GPHN: variants seen among roughly 807,000 people sequenced by gnomAD.
The protein encoded by GPHN is gephyrin.
GPHN carries 17 observed loss-of-function variants against 95.5 expected under a neutral mutation model. The observed-to-expected ratio is 0.18, with a 90% CI of 0.12 to 0.27. GPHN has a LOEUF of 0.27. Ranked by LOEUF, GPHN falls within the 10% of genes least tolerant of loss-of-function variation. GPHN has a pLI of 1.00. For missense variants in GPHN, 660 were observed against 978.1 expected (o/e 0.67, Z 4.34); for synonymous variants, 320 against 322.5 (o/e 0.99, Z 0.08).
intron 11 of GPHN, among the ~76,000 whole-genome samples, chr14:67,080,206 T>C (rs1255059234): frequency 2.0e-5 from 3 of 152,144 alleles, no homozygotes; most frequent in Non-Finnish European, 2.9e-5. Flanking sequence ...TGGCTATTTG[T>C]ATAGCATCTT....
the GPHN span, among the ~76,000 whole-genome samples, chr14:67,665,767 T>G: frequency 6.6e-6 from 1 of 152,180 alleles, no homozygotes; most frequent in South Asian, 2.1e-4. Context: ...TATGTCTCAT[T>G]CATTGTTGTG....
chr14:66,966,282 A>C (rs1395215908), intron 9 of GPHN, among the ~76,000 whole-genome samples: 2 of 152,120 alleles, frequency 1.3e-5, no homozygotes, highest in Non-Finnish European at 2.9e-5. Context: ...TTTGACTAGA[A>C]GGGATCTCAG....
the GPHN span, among the ~76,000 whole-genome samples, chr14:67,329,883 T>TA: frequency 6.8e-6 from 1 of 146,314 alleles, no homozygotes; most frequent in African/African-American, 2.6e-5. Flanking sequence ...AATAAATAGA[T>TA]ATAGAAACTA....
At chr14:67,646,759 G>GT in the GPHN span, 1 of 1,582,660 alleles carries the variant, frequency 6.3e-7, no homozygotes, top group Non-Finnish European at 8.7e-7. Flanking sequence ...GCATTTGGCT[G>GT]AAGTTTAGGG....
the GPHN span, among the ~76,000 whole-genome samples, chr14:67,307,248 A>G: frequency 7.0e-6 from 1 of 143,116 alleles, no homozygotes; most frequent in East Asian, 1.9e-4. Context: ...CGGCCTTTTT[A>G]AAAAAAGGAA....
chr14:67,286,721 G>A, the GPHN span, among the ~76,000 whole-genome samples: 120 of 151,704 alleles, frequency 7.9e-4, no homozygotes, highest in Non-Finnish European at 1.3e-3. Context: ...AGCCAGGTGT[G>A]GTGGAATGCG....
chr14:67,503,982 G>T, the GPHN span, among the ~76,000 whole-genome samples: 2 of 150,718 alleles, frequency 1.3e-5, no homozygotes, highest in African/African-American at 4.9e-5. Context: ...GATTACAGGC[G>T]TGAGCCACTG....
chr14:66,843,403 C>G (rs114255715), intron 4 of GPHN, among the ~76,000 whole-genome samples: 342 of 152,270 alleles, frequency 2.2e-3, no homozygotes, highest in African/African-American at 7.7e-3. Context: ...TTTAGCATTT[C>G]TGCTATCATC....
At chr14:66,675,146 G>T (rs148160830) in intron 1 of GPHN, among the ~76,000 whole-genome samples, 1 of 135,440 alleles carries the variant, frequency 7.4e-6, no homozygotes, top group Non-Finnish European at 1.6e-5. Context: ...TCTTTTTCCA[G>T]TTTTTTTTTT....
the GPHN span, among the ~76,000 whole-genome samples, chr14:67,341,121 C>T: frequency 2.2e-3 from 337 of 152,322 alleles, 1 homozygote; most frequent in Non-Finnish European, 4.0e-3. Flanking sequence ...AGGAGCCTCT[C>T]TGCCTGGCCG....
chr14:67,181,050 G>A lies in GPHN; in HGVS notation c.*113G>A. 2.2e-6 allele frequency: 2 copies of A among 923,430 alleles called. No individual in the cohort carries two copies. The highest frequency in any genetic ancestry group is 1.4e-5 in the South Asian group (1 of 72,092). The allele number at this position is 923,430 out of a possible 1,614,324, so 57.2% of individuals were successfully genotyped here. ...ATTTGGATAAAAGTTGATCTGTATA[G>A]TCAACATCTTGAACTATATTTCAAA... On this transcript the variant is annotated 3_prime_UTR_variant, in exon 23 of 23. Coordinates refer to ENST00000478722, the MANE Select transcript of GPHN (RefSeq NM_020806.5).
In GPHN at chr14:66,650,359, A is replaced by G. The variant is rs114129057; in HGVS notation, c.65-30748A>G. 5.2e-3 allele frequency among the ~76,000 whole-genome samples: 787 copies of G among 152,326 alleles called. 8 individuals carry two copies. The highest frequency in any genetic ancestry group is 0.018 in the African/African-American group (746 of 41,584). The stretch of plus-strand genomic sequence containing the variant: ...AATTACTAAAGGCCACTATTTCATC[A>G]AATGTGTCTCCACTGAGACCATCAT... On this transcript the variant is annotated intron_variant, in intron 1 of 22. Coordinates refer to ENST00000478722, the MANE Select transcript of GPHN (RefSeq NM_020806.5).
intron 4 of GPHN, among the ~76,000 whole-genome samples, chr14:66,829,514 C>T (rs1193113911): frequency 6.6e-6 from 1 of 151,968 alleles, no homozygotes; most frequent in Non-Finnish European, 1.5e-5. Context: ...CTTTATGTCC[C>T]ATTATTACTT....
intron 6 of GPHN, among the ~76,000 whole-genome samples, chr14:66,918,826 C>T (rs569468162): frequency 6.6e-6 from 1 of 152,240 alleles, no homozygotes; most frequent in African/African-American, 2.4e-5. Flanking sequence ...ACCACACAAT[C>T]TTTAAAGAGT....
At chr14:67,113,410 A>C (rs1407122496) in intron 16 of GPHN, among the ~76,000 whole-genome samples, 1 of 152,240 alleles carries the variant, frequency 6.6e-6, no homozygotes, top group African/African-American at 2.4e-5. Context: ...TTAGAATGAA[A>C]TATTATAACC....
rs558003940 is a variant in GPHN at position 66,556,886 on chromosome 14, A to G, written c.64+48295A>G. 2.1e-3 allele frequency among the ~76,000 whole-genome samples: 320 copies of G among 152,162 alleles called. 2 individuals carry two copies. Among genetic ancestry groups the G allele is most frequent in the Non-Finnish European group, 3.7e-3 (252 of 68,000 alleles). On this transcript the variant is annotated intron_variant, in intron 1 of 22. Coordinates refer to ENST00000478722, the MANE Select transcript of GPHN (RefSeq NM_020806.5). Reference sequence around the variant, plus strand: ...ACTTCAAGCATTTGCTACACATACTAATTAAAAAACAAAAACAAAAACAAC... The same window carrying G: ...ACTTCAAGCATTTGCTACACATACTGATTAAAAAACAAAAACAAAAACAAC...
downstream of GPHN, among the ~76,000 whole-genome samples, chr14:67,183,543 A>G (rs1037135237): frequency 1.3e-5 from 2 of 152,040 alleles, no homozygotes; most frequent in South Asian, 2.1e-4. Context: ...TCTACAGTCT[A>G]TATTCTTTTA....
chr14:67,077,040 T>A (rs1260539487), intron 11 of GPHN, among the ~76,000 whole-genome samples: 1 of 152,190 alleles, frequency 6.6e-6, no homozygotes, highest in Non-Finnish European at 1.5e-5. Flanking sequence ...CTTTTCACTC[T>A]TATATCCAAA....
At chr14:67,170,131 A>G (rs930414871) in intron 21 of GPHN, among the ~76,000 whole-genome samples, 4 of 152,154 alleles carry the variant, frequency 2.6e-5, no homozygotes, top group African/African-American at 9.6e-5. Context: ...GAGAATACAT[A>G]GGATAAAAAC....
Sources: allele counts gnomAD v4.1 joint callset (sites outside exome capture counted in the v4.1 genomes callset), GRCh38; gene constraint gnomAD v4.1.1; transcripts MANE v1.5; gene names NCBI Gene and HGNC (gene_info 2026-07-23, HGNC 2026-07-21).